The following ADARB1 variants were observed in gnomAD, a reference collection of about 807,000 sequenced individuals.
ADARB1 encodes double-stranded RNA-specific editase 1.
ADARB1 carries 10 observed loss-of-function variants against 52.4 expected under a neutral mutation model. The ratio of observed to expected loss-of-function variants is 0.19; its 90% CI spans 0.12 to 0.32. ADARB1 has a LOEUF of 0.32. ADARB1 is among the 10% of genes least tolerant of loss of function. The probability of loss-of-function intolerance (pLI) is 1.00; values close to 1 mark genes in which losing one functional copy is unlikely to be tolerated. For synonymous variants in ADARB1, 349 were observed against 371.1 expected (o/e 0.94, Z 0.68); for missense variants, 643 against 922.3 (o/e 0.70, Z 3.92).
At chr21:45,077,679 GAAAA>G (rs949171780) in intron 1 of ADARB1, among the ~76,000 whole-genome samples, 1 of 150,090 alleles carries the variant, frequency 6.7e-6, no homozygotes, top group Non-Finnish European at 1.5e-5. Flanking sequence ...AAAAAAAAAA[GAAAA>G]GAAAAAGAAA....
At chr21:45,107,360 TGGAC>T (rs1237054136) in intron 1 of ADARB1, among the ~76,000 whole-genome samples, 1 of 152,164 alleles carries the variant, frequency 6.6e-6, no homozygotes, top group Non-Finnish European at 1.5e-5. Context: ...TTTCTTGGGC[TGGAC>T]ATGTCGATTC....
intron 1 of ADARB1, among the ~76,000 whole-genome samples, chr21:45,113,020 T>C (rs958441251): frequency 1.3e-5 from 2 of 152,108 alleles, no homozygotes; most frequent in Admixed American, 1.3e-4. Context: ...ACTCATTGAC[T>C]AAACTTAGTT....
chr21:45,183,536 C>A (rs2091997787), intron 7 of ADARB1, 26 bp downstream of exon 7: 1 of 1,607,998 alleles, frequency 6.2e-7, no homozygotes, highest in Non-Finnish European at 8.5e-7. Flanking sequence ...CTTCAACAAG[C>A]CAGTTTCTCA....
chr21:45,194,716 T>C (rs185206845), intron 8 of ADARB1, among the ~76,000 whole-genome samples: 23 of 152,366 alleles, frequency 1.5e-4, no homozygotes, highest in Non-Finnish European at 2.9e-4. Flanking sequence ...TTTTTACACA[T>C]AGTAATTTAC....
intron 1 of ADARB1, among the ~76,000 whole-genome samples, chr21:45,081,813 T>C (rs1011711787): frequency 2.6e-5 from 4 of 152,138 alleles, no homozygotes; most frequent in African/African-American, 7.2e-5. Flanking sequence ...GCTAGAAGGA[T>C]AGCCTGCCAG....
rs139446253 is a variant in ADARB1, at chr21:45,128,106, C to T, written c.-219-296C>T. Among the ~76,000 whole-genome samples the T allele has an allele frequency of 8.7e-4, 132 of 152,302 alleles. No individual in the cohort carries two copies. In the East Asian group the frequency reaches 0.019, roughly 22 times the overall value. On this transcript the variant is annotated intron_variant, in intron 1 of 10. Coordinates refer to ENST00000348831, the MANE Select transcript of ADARB1 (RefSeq NM_001112.4). This position sits in a 1 kb window ranked among gnomAD's most constrained non-coding sequence, Gnocchi z 4.6. ...TACGTGTGAGATTCTGCCTGAGACT[C>T]CAGTCCTCAGTGTGTGGCCTGGTGC...
At chr21:45,122,886 T>A (rs577655262) in intron 1 of ADARB1, among the ~76,000 whole-genome samples, 1 of 152,246 alleles carries the variant, frequency 6.6e-6, no homozygotes, top group Non-Finnish European at 1.5e-5. Context: ...TTTCGCATAA[T>A]CTCATAGCTC....
chr21:45,220,812 A>T lies in ADARB1; in HGVS notation c.1748-24A>T, dbSNP rs745942950. On this transcript the variant is annotated intron_variant, in intron 9 of 10. Transcript: ENST00000348831. This position sits in a 1 kb window ranked among gnomAD's most constrained non-coding sequence, Gnocchi z 6.3. ...TGGGGGTGAAAGCGGGCTTCACACC[A>T]CCTTCCTGTGTCTTCCGTTTCAGGC... 2 of 1,607,884 alleles carry T rather than the reference A, an allele frequency of 1.2e-6. No homozygotes were observed. The highest frequency in any genetic ancestry group is 1.3e-5 in the African/African-American group (1 of 74,820).
At chr21:45,093,286 G>C (rs1370046365) in intron 1 of ADARB1, among the ~76,000 whole-genome samples, 1 of 152,162 alleles carries the variant, frequency 6.6e-6, no homozygotes, top group Non-Finnish European at 1.5e-5. Flanking sequence ...AGGAGTCTCG[G>C]GTAGGAGAGT....
At chr21:45,198,389 G>A (rs549171254) in intron 8 of ADARB1, among the ~76,000 whole-genome samples, 142 of 152,240 alleles carry the variant, frequency 9.3e-4, no homozygotes, top group African/African-American at 3.2e-3. Context: ...GCACTGATAG[G>A]TTTTAAAACT....
intron 2 of ADARB1, among the ~76,000 whole-genome samples, chr21:45,135,439 C>T (rs536923910): frequency 6.6e-6 from 1 of 152,344 alleles, no homozygotes; most frequent in Non-Finnish European, 1.5e-5. Flanking sequence ...ATATCTCCTT[C>T]CAGGGAATCT....
intron 1 of ADARB1, among the ~76,000 whole-genome samples, chr21:45,093,187 G>T (rs941146625): frequency 1.3e-5 from 2 of 152,176 alleles, no homozygotes; most frequent in African/African-American, 2.4e-5. Context: ...TCGCCCCACC[G>T]GCACTTGGCT....
chr21:45,076,990 T>G (rs921478095), intron 1 of ADARB1, among the ~76,000 whole-genome samples: 2 of 152,214 alleles, frequency 1.3e-5, no homozygotes, highest in Admixed American at 1.3e-4. Flanking sequence ...TAAAGCCTCA[T>G]TCCACTCCAT....
intron 8 of ADARB1, among the ~76,000 whole-genome samples, chr21:45,201,297 G>A (rs1466276292): frequency 1.3e-5 from 2 of 152,188 alleles, no homozygotes; most frequent in Non-Finnish European, 2.9e-5. Flanking sequence ...GTGGAAGCTG[G>A]TGCCACACCA....
intron 9 of ADARB1, among the ~76,000 whole-genome samples, chr21:45,211,281 G>T (rs1183584693): frequency 6.6e-6 from 1 of 152,228 alleles, no homozygotes; most frequent in Non-Finnish European, 1.5e-5. Context: ...TAAATGGCAG[G>T]TTGGTTTTGG....
chr21:45,170,472 A>C (rs1341108160), intron 2 of ADARB1, among the ~76,000 whole-genome samples: 1 of 152,196 alleles, frequency 6.6e-6, no homozygotes, highest in African/African-American at 2.4e-5. Flanking sequence ...AACTTTGTTG[A>C]ATAAAGGATT....
intron 2 of ADARB1, among the ~76,000 whole-genome samples, chr21:45,134,006 G>T (rs1601509910): frequency 8.0e-6 from 1 of 124,862 alleles, no homozygotes; most frequent in African/African-American, 3.1e-5. Flanking sequence ...TGCGCCCGAC[G>T]GGTGTGTGTG....
At chr21:45,170,808 G>A (rs1318179598) in intron 2 of ADARB1, among the ~76,000 whole-genome samples, 2 of 152,230 alleles carry the variant, frequency 1.3e-5, no homozygotes, top group East Asian at 3.9e-4. Context: ...AATACAGTCT[G>A]ACAAAGTATA....
chr21:45,192,144 G>C (rs183520997), intron 8 of ADARB1, among the ~76,000 whole-genome samples: 1 of 151,946 alleles, frequency 6.6e-6, no homozygotes, highest in African/African-American at 2.4e-5. Flanking sequence ...TTAGAGAATA[G>C]AGTAGTGGTA....
Sources: gnomAD v4.1 joint callset for allele counts (sites outside exome capture counted in the v4.1 genomes callset) on GRCh38, gnomAD v4.1.1 for gene constraint, Gnocchi (gnomAD v3.1) non-coding constraint, MANE v1.5 for transcripts, NCBI Gene and HGNC (gene_info 2026-07-23, HGNC 2026-07-21) for gene names.